The following DYSF variants were observed in gnomAD, a reference collection of about 807,000 sequenced individuals.
DYSF encodes dystrophy-associated fer-1-like 1.
Under a neutral mutation model 274.9 loss-of-function variants are expected in DYSF, and 212 were observed. The observed-to-expected ratio is 0.77, with a 90% CI of 0.69 to 0.86. The LOEUF is 0.86. Ranked by LOEUF, DYSF falls within the 40% of genes least tolerant of loss-of-function variation. The probability of loss-of-function intolerance (pLI) is 0.00; values close to 1 mark genes in which losing one functional copy is unlikely to be tolerated. For synonymous variants in DYSF, 1,091 were observed against 1,078.7 expected, an observed-to-expected ratio of 1.01 and a Z score of -0.22; for missense variants, 2,666 against 2,783.2, an observed-to-expected ratio of 0.96 and a Z score of 0.95.
chr2:71,518,414 G>A (rs1483654007), intron 10 of DYSF, among the ~76,000 whole-genome samples: 2 of 149,990 alleles, frequency 1.3e-5, no homozygotes, highest in Non-Finnish European at 3.0e-5. Flanking sequence ...GTGCTACCAC[G>A]CCTGGCAGTT....
chr2:71,558,283 A>G (rs2091473695), intron 22 of DYSF, among the ~76,000 whole-genome samples: 1 of 152,018 alleles, frequency 6.6e-6, no homozygotes, highest in African/African-American at 2.4e-5. Context: ...AGGAGGAGCC[A>G]GTTGAGGGGG....
intron 51 of DYSF, among the ~76,000 whole-genome samples, chr2:71,673,519 C>CT (rs1201076194): frequency 6.6e-6 from 1 of 152,104 alleles, no homozygotes; most frequent in African/African-American, 2.4e-5. Context: ...GAGGGAGGAG[C>CT]TGGGGTCTAG....
At chr2:71,514,061 T>C in intron 7 of DYSF, 140 bp downstream of exon 7, 5 of 998,312 alleles carry the variant, frequency 5.0e-6, no homozygotes, top group Non-Finnish European at 4.6e-6. Flanking sequence ...ATCTGTAGTT[T>C]CCCTGGGCCT....
rs894209490 is a variant in DYSF at position 71,611,271 on chromosome 2, A to C, written c.3984A>C (p.Pro1328=). ...CTGAGGACACAGACCTGCCCTACCC[A>C]CCACCCCAGAGGGAGGCCAACATCT... is the stretch of plus-strand genomic sequence containing the variant. ...DESEDTDLPY[P]PPQREANIYM... Residue 1328 remains proline, a synonymous_variant, in exon 37 of 56, where the codon CCA becomes CCC. Transcript: ENST00000410020. 3 of 1,613,586 alleles carry C rather than the reference A, an allele frequency of 1.9e-6. No individual in the cohort carries two copies. The highest frequency in any genetic ancestry group is 2.5e-6 in the Non-Finnish European group (3 of 1,179,776).
intron 32 of DYSF, among the ~76,000 whole-genome samples, chr2:71,590,919 A>G (rs374800333): frequency 2.0e-5 from 3 of 152,018 alleles, no homozygotes; most frequent in African/African-American, 7.3e-5. Context: ...GCCCCTTTGT[A>G]TCTAGGTCAT....
At chr2:71,574,054 TC>T in intron 29 of DYSF, 143 bp from the exon 30 acceptor site, 1 of 1,000,596 alleles carries the variant, frequency 1.0e-6, no homozygotes, top group Non-Finnish European at 1.5e-6. Flanking sequence ...TAGGTGGCCC[TC>T]CCAGGTTTTC....
chr2:71,526,071 C>A, intron 12 of DYSF, 149 bp from the exon 13 acceptor site: 4 of 1,408,328 alleles, frequency 2.8e-6, no homozygotes, highest in South Asian at 1.2e-5. Flanking sequence ...AGGACCTTGC[C>A]CGAGACCACG....
upstream of DYSF, among the ~76,000 whole-genome samples, chr2:71,464,478 A>C (rs1373710367): frequency 3.3e-5 from 5 of 152,174 alleles, no homozygotes; most frequent in African/African-American, 7.2e-5. Flanking sequence ...GTCTCACTGG[A>C]GTTGATATCT....
intron 43 of DYSF, among the ~76,000 whole-genome samples, chr2:71,656,741 C>G (rs185304453): frequency 3.0e-4 from 45 of 152,232 alleles, no homozygotes; most frequent in Admixed American, 2.6e-3. Flanking sequence ...GCAGAATCCC[C>G]TGATAAACCC....
At chr2:71,460,949 AAAAAAG>A (rs1553498541) in intron 1 of DYSF, among the ~76,000 whole-genome samples, 2 of 149,606 alleles carry the variant, frequency 1.3e-5, no homozygotes, top group Non-Finnish European at 3.0e-5. Context: ...AAAAAAAAAA[AAAAAAG>A]AAAAAGAAAA....
intron 1 of DYSF, among the ~76,000 whole-genome samples, 175 bp downstream of exon 1, chr2:71,467,108 A>G (rs952629787): frequency 6.6e-6 from 1 of 152,254 alleles, no homozygotes; most frequent in Non-Finnish European, 1.5e-5. Flanking sequence ...GATGAGGAAT[A>G]AGCAGAGCAC....
intron 3 of DYSF, among the ~76,000 whole-genome samples, chr2:71,499,891 A>G (rs931436531): frequency 2.0e-5 from 3 of 152,170 alleles, no homozygotes; most frequent in African/African-American, 7.2e-5. Context: ...ATTTCCACCC[A>G]TGTAGGCTCT....
intron 22 of DYSF, among the ~76,000 whole-genome samples, chr2:71,558,096 T>G (rs1406736417): frequency 6.6e-6 from 1 of 152,008 alleles, no homozygotes; most frequent in Non-Finnish European, 1.5e-5. Flanking sequence ...AGAGGTTAAC[T>G]TGCCCAGATT....
At chr2:71,556,430 G>A (rs1021436870) in intron 22 of DYSF, among the ~76,000 whole-genome samples, 4 of 152,182 alleles carry the variant, frequency 2.6e-5, no homozygotes, top group South Asian at 2.1e-4. Flanking sequence ...AGGCCATGTC[G>A]GGGATCATGG....
chr2:71,602,730 C>T, intron 35 of DYSF, 46 bp from the exon 36 acceptor site: 1 of 1,606,186 alleles, frequency 6.2e-7, no homozygotes, highest in Non-Finnish European at 8.5e-7. Context: ...CTTCCAACCC[C>T]TCTCACCATC....
At chr2:71,643,124 TAGGACACCCCACCTGCCGAGAC>T (rs1558705361) in intron 41 of DYSF, among the ~76,000 whole-genome samples, 3 of 151,966 alleles carry the variant, frequency 2.0e-5, no homozygotes, top group Admixed American at 6.6e-5. Context: ...CTCTAGGTGA[TAGGACACCCCACCTGCCGAGAC>T]AGGACACAGC....
chr2:71,589,726 G>A lies in DYSF; in HGVS notation c.3496+40G>A, dbSNP rs781325198. The A allele has an allele frequency of 9.9e-6, 15 of 1,520,850 alleles. No homozygotes were observed. The African/African-American group carries it at 1.1e-4, about 11-fold the overall frequency. 94.2% of individuals were successfully genotyped at this position (1,520,850 alleles called of 1,614,324 possible). A position where few individuals can be genotyped will look rare whatever the true frequency, so the allele number is the denominator to read the frequency against. ...GAGGCCTCTATGGGGTGATAAGGGTGTGTCACCTTATGCTTCTGTTTGGAT... is the reference window on the plus strand; with the variant it reads ...GAGGCCTCTATGGGGTGATAAGGGTATGTCACCTTATGCTTCTGTTTGGAT... On this transcript the variant is annotated intron_variant, in intron 31 of 55. Coordinates refer to ENST00000410020, the MANE Select transcript of DYSF (RefSeq NM_001130987.2).
chr2:71,490,693 A>G (rs1474472103), intron 3 of DYSF, among the ~76,000 whole-genome samples: 1 of 152,166 alleles, frequency 6.6e-6, no homozygotes, highest in Non-Finnish European at 1.5e-5. Flanking sequence ...ATGCATACTC[A>G]TTTACTTATA....
chr2:71,561,503 G>A (rs1459602021), intron 22 of DYSF, among the ~76,000 whole-genome samples: 1 of 152,176 alleles, frequency 6.6e-6, no homozygotes, highest in Non-Finnish European at 1.5e-5. Context: ...TGGCAGTCCT[G>A]GAATCGAGGG....
Sources: allele counts gnomAD v4.1 joint callset (sites outside exome capture counted in the v4.1 genomes callset), GRCh38; gene constraint gnomAD v4.1.1; transcripts MANE v1.5; gene names NCBI Gene and HGNC (gene_info 2026-07-23, HGNC 2026-07-21).